ARAP2: variants seen among roughly 807,000 people sequenced by gnomAD.
ARAP2 encodes the protein arf-GAP with Rho-GAP domain, ANK repeat and PH domain-containing protein 2.
Under a neutral mutation model 194.5 loss-of-function variants are expected in ARAP2, and 148 were observed. The observed-to-expected ratio is 0.76, with a 90% CI of 0.67 to 0.87. The LOEUF (loss-of-function observed/expected upper bound fraction) is 0.87. Ranked by LOEUF, ARAP2 falls within the 40% of genes least tolerant of loss-of-function variation. The pLI, the probability that ARAP2 is intolerant of heterozygous loss-of-function variation, is 0.00. For missense variants in ARAP2, 2,128 were observed against 1,989.7 expected (o/e 1.07, Z -1.32); for synonymous variants, 695 against 683.5 (o/e 1.02, Z -0.26).
At chr4:36,059,773 A>C (rs1040412197) in intron 1 of ARAP2, among the ~76,000 whole-genome samples, 8 of 152,304 alleles carry the variant, frequency 5.3e-5, no homozygotes, top group Middle Eastern at 3.4e-3. Flanking sequence ...TATTACACAA[A>C]GGAGGGTGCT....
At chr4:36,188,515 A>C (rs979474804) in intron 7 of ARAP2, among the ~76,000 whole-genome samples, 2 of 152,198 alleles carry the variant, frequency 1.3e-5, no homozygotes, top group Non-Finnish European at 2.9e-5. Context: ...CAGATAGACA[A>C]GTGCGTGGGG....
At chr4:36,131,765 T>C (rs978073638) in intron 20 of ARAP2, among the ~76,000 whole-genome samples, 1 of 151,776 alleles carries the variant, frequency 6.6e-6, no homozygotes, top group African/African-American at 2.4e-5. Flanking sequence ...AAGGTTATGC[T>C]CCTGCTAAAA....
chr4:36,085,435 C>T (rs1253977722), intron 28 of ARAP2, among the ~76,000 whole-genome samples: 2 of 152,054 alleles, frequency 1.3e-5, no homozygotes, highest in East Asian at 3.9e-4. Flanking sequence ...AATTATTCTA[C>T]CCCAATTTAT....
chr4:36,031,816 C>T (rs1447109741), intron 5 of ARAP2, among the ~76,000 whole-genome samples: 1 of 151,898 alleles, frequency 6.6e-6, no homozygotes, highest in Non-Finnish European at 1.5e-5. Context: ...TTACAGGCGC[C>T]CGCCACCACA....
At chr4:36,205,075 T>C (rs563135063) in intron 6 of ARAP2, among the ~76,000 whole-genome samples, 1 of 147,122 alleles carries the variant, frequency 6.8e-6, no homozygotes, top group Non-Finnish European at 1.5e-5. Context: ...AACTAAACAT[T>C]GTCAATGAAA....
At chr4:36,136,293 T>C (rs545819282) in intron 19 of ARAP2, among the ~76,000 whole-genome samples, 60 of 151,884 alleles carry the variant, frequency 4.0e-4, no homozygotes, top group African/African-American at 1.3e-3. Context: ...GTTGATGAAC[T>C]CTAATTACAG....
intron 19 of ARAP2, among the ~76,000 whole-genome samples, chr4:36,134,173 A>T (rs1257467127): frequency 6.6e-6 from 1 of 151,786 alleles, no homozygotes; most frequent in Non-Finnish European, 1.5e-5. Flanking sequence ...ACCTAGGACA[A>T]CACTCAATAG....
At chr4:36,033,549 C>T (rs1004353439) in intron 5 of ARAP2, among the ~76,000 whole-genome samples, 1 of 147,882 alleles carries the variant, frequency 6.8e-6, no homozygotes, top group African/African-American at 2.5e-5. Flanking sequence ...GTATATTAGA[C>T]CTTTATCAGA....
chr4:36,022,142 C>T (rs1222826974), intron 5 of ARAP2, among the ~76,000 whole-genome samples: 2 of 152,030 alleles, frequency 1.3e-5, no homozygotes, highest in African/African-American at 4.8e-5. Flanking sequence ...ATATGCAGTC[C>T]ATCATTGACT....
At chr4:36,122,991 T>C (rs978843791) in intron 22 of ARAP2, among the ~76,000 whole-genome samples, 5 of 151,808 alleles carry the variant, frequency 3.3e-5, no homozygotes, top group Non-Finnish European at 7.4e-5. Context: ...CATATGTTAA[T>C]GTAGAGAATT....
chr4:36,110,547 G>A (rs1719693062), intron 26 of ARAP2, among the ~76,000 whole-genome samples: 1 of 151,796 alleles, frequency 6.6e-6, no homozygotes, highest in Non-Finnish European at 1.5e-5. Flanking sequence ...GGATGGGTTC[G>A]GATTTAAGGT....
intron 5 of ARAP2, among the ~76,000 whole-genome samples, chr4:36,043,149 T>A (rs1206135128): frequency 6.6e-6 from 1 of 152,156 alleles, no homozygotes; most frequent in African/African-American, 2.4e-5. Flanking sequence ...GCACTCTCTT[T>A]AAATGTTTTT....
At chr4:36,111,413 C>T (rs889120578) in intron 26 of ARAP2, among the ~76,000 whole-genome samples, 6 of 151,968 alleles carry the variant, frequency 3.9e-5, no homozygotes, top group Admixed American at 2.6e-4. Flanking sequence ...CATTATTCCT[C>T]TGGGAGGTTT....
At chr4:36,096,102 A>T (rs1209665217) in intron 27 of ARAP2, among the ~76,000 whole-genome samples, 1 of 152,022 alleles carries the variant, frequency 6.6e-6, no homozygotes, top group East Asian at 1.9e-4. Context: ...GGTGGCTCAT[A>T]TCTGTAATCC....
chr4:36,203,912 C>CA (rs377002451), intron 6 of ARAP2, among the ~76,000 whole-genome samples: 45 of 149,344 alleles, frequency 3.0e-4, no homozygotes, highest in East Asian at 2.1e-3. Flanking sequence ...AGGAAAGCGT[C>CA]AAAAAAAAAG....
chr4:36,211,724 A>G (rs1396684967), intron 5 of ARAP2, among the ~76,000 whole-genome samples: 2 of 152,166 alleles, frequency 1.3e-5, no homozygotes, highest in Non-Finnish European at 2.9e-5. Context: ...GGCAATACAA[A>G]AGAGGAATGC....
At chr4:36,158,030 G>T (rs905905757) in intron 15 of ARAP2, among the ~76,000 whole-genome samples, 1 of 152,078 alleles carries the variant, frequency 6.6e-6, no homozygotes, top group East Asian at 1.9e-4. Flanking sequence ...CAGTAAGGCA[G>T]ACTGCATTAT....
chr4:36,073,650 T>A (rs1380739603), intron 32 of ARAP2, 39 bp downstream of exon 32: 2 of 1,594,810 alleles, frequency 1.3e-6, no homozygotes, highest in Non-Finnish European at 1.7e-6. Context: ...GAAAATATAT[T>A]CTATAATTGA....
At position 36,128,615 on chromosome 4, in the gene ARAP2, C is replaced by G. The variant is rs771824573; in HGVS notation, c.3558G>C (p.Thr1186=). The change falls in exon 21 of 33, where the codon ACG becomes ACC. Residue 1186 remains threonine, a synonymous_variant. Coordinates refer to ENST00000303965, the MANE Select transcript of ARAP2 (RefSeq NM_015230.4). ...CAGAGAGAAAACTTTTCAACACAGCCGTCACATCTTCAAGCTGATGTTTTC... is the reference window on the plus strand; with the variant it reads ...CAGAGAGAAAACTTTTCAACACAGCGGTCACATCTTCAAGCTGATGTTTTC... The part of the protein sequence containing the change: ...RAGKHQLEDV[T]AVLKSFLSDI... The G allele has an allele frequency of 1.2e-6, 2 of 1,612,886 alleles. No individual in the cohort carries two copies. The highest frequency in any genetic ancestry group is 3.3e-5 in the Admixed American group (2 of 59,806).
Sources: allele counts gnomAD v4.1 joint callset (sites outside exome capture counted in the v4.1 genomes callset), GRCh38; gene constraint gnomAD v4.1.1; transcripts MANE v1.5; gene names NCBI Gene and HGNC (gene_info 2026-07-23, HGNC 2026-07-21).